The following PRR13 variants were observed in gnomAD, a reference collection of about 807,000 sequenced individuals.
PRR13 encodes the protein proline rich 13.
In PRR13, 7 loss-of-function variants were observed where a neutral mutation model predicts 11.5. The ratio of observed to expected loss-of-function variants is 0.61; its 90% CI spans 0.34 to 1.14. The LOEUF (loss-of-function observed/expected upper bound fraction) is 1.14. Ranked by LOEUF, PRR13 falls within the 50% of genes most tolerant of loss-of-function variation. PRR13 has a pLI of 0.03. For missense variants in PRR13, 155 were observed against 194.4 expected, an observed-to-expected ratio of 0.80 and a Z score of 1.21; for synonymous variants, 53 against 67.8, an observed-to-expected ratio of 0.78 and a Z score of 1.07.
At position 53,441,789 on chromosome 12, in the gene PRR13, A is replaced by G. The variant is rs962290224; in HGVS notation, c.-24A>G. ...ACGCAGCAAGCCCAGGCGGCGGTGG[A>G]AAGGTGATGGGGTATCTGGATTCCA... is the stretch of plus-strand genomic sequence containing the variant. On this transcript the variant is annotated 5_prime_UTR_variant, in exon 1 of 4. Transcript: ENST00000429243. 8 of 702,106 alleles carry G rather than the reference A, an allele frequency of 1.1e-5. No individual in the cohort carries two copies. Among genetic ancestry groups the G allele is most frequent in the African/African-American group, 3.5e-5 (2 of 57,212 alleles). 43.5% of individuals were successfully genotyped at this position (702,106 alleles called of 1,614,324 possible).
chr12:53,443,541 G>C lies in PRR13; in HGVS notation c.170G>C (p.Gly57Ala). 1 of 1,570,672 alleles carries C rather than the reference G, an allele frequency of 6.4e-7. No individual in the cohort carries two copies. Among genetic ancestry groups the C allele is most frequent in the Non-Finnish European group, 8.7e-7 (1 of 1,155,598 alleles). ...CATGGCAATCCAGCTTTCCCCCCAG[G>C]TGGGCCCCCTCATCCTGTGCCACAG... ...APHGNPAFPP[G>A]GPPHPVPQPG... Residue 57 changes from glycine (G) to alanine (A), a missense_variant, in exon 3 of 4, where the codon GGT (glycine) becomes GCT (alanine). Transcript: ENST00000429243.
At chr12:53,442,790 C>G in intron 2 of PRR13, 57 bp downstream of exon 2, 1 of 1,555,748 alleles carries the variant, frequency 6.4e-7, no homozygotes, top group Non-Finnish European at 8.9e-7. Flanking sequence ...GGCTCTATAA[C>G]AGGAAGTTTC....
intron 3 of PRR13, 89 bp from the exon 4 acceptor site, chr12:53,445,926 G>C (rs1592618876): frequency 2.5e-6 from 4 of 1,596,106 alleles, no homozygotes; most frequent in Non-Finnish European, 3.4e-6. Flanking sequence ...GGGTGGAGGG[G>C]TGGGGCACCA....
chr12:53,444,895 TCAAA>T (rs755050784), intron 3 of PRR13, among the ~76,000 whole-genome samples: 4 of 151,432 alleles, frequency 2.6e-5, no homozygotes, highest in Admixed American at 1.3e-4. Context: ...AGACTCCATC[TCAAA>T]CAAACAAACA....
chr12:53,441,818 G>GT (rs1592616317), intron 1 of PRR13, 26 bp downstream of exon 1: 2 of 702,266 alleles, frequency 2.8e-6, no homozygotes, highest in South Asian at 3.0e-5. Flanking sequence ...GATTCCATAG[G>GT]TTTTTCCTTT....
At chr12:53,442,934 G>T in intron 2 of PRR13, 1 of 462,178 alleles carries the variant, frequency 2.2e-6, no homozygotes, top group Non-Finnish European at 3.8e-6. Context: ...CAGGCTCACT[G>T]CAACCTCCGC....
At chr12:53,444,609 G>C (rs757571072) in intron 3 of PRR13, among the ~76,000 whole-genome samples, 1 of 152,238 alleles carries the variant, frequency 6.6e-6, no homozygotes, top group Admixed American at 6.5e-5. Context: ...GATTACAGGC[G>C]TGAGCCACTG....
intron 2 of PRR13, 111 bp downstream of exon 2, chr12:53,442,844 A>G (rs1172846963): frequency 1.6e-5 from 19 of 1,169,980 alleles, no homozygotes; most frequent in Non-Finnish European, 2.3e-5. Context: ...CCGCAAAAGC[A>G]AAGTCCTTAG....
Position 53,441,871 on chromosome 12 carries a change from G to A in PRR13, c.-21+79G>A, listed in dbSNP as rs1940299290. On this transcript the variant is annotated intron_variant, in intron 1 of 3. Transcript: ENST00000429243. ...GAGTCTCTTCGCAGCTTGGGGCTAG[G>A]ATCTTCATTTGCCTTTTTTCTTTTT... 4.3e-6 allele frequency: 3 copies of A among 698,724 alleles called. No homozygotes were observed. In the Admixed American group the frequency reaches 6.1e-5, roughly 14 times the overall value. The allele number at this position is 698,724 out of a possible 1,614,324, so 43.3% of individuals were successfully genotyped here.
chr12:53,442,229 GAA>G (rs995126489), intron 1 of PRR13: 2 of 243,748 alleles, frequency 8.2e-6, no homozygotes, highest in Non-Finnish European at 1.6e-5. Context: ...GAAACAAGTG[GAA>G]AGAGACATTT....
In PRR13 at chr12:53,446,070, T is replaced by C. The variant is rs764227467; in HGVS notation, c.*11T>C. On this transcript the variant is annotated 3_prime_UTR_variant, in exon 4 of 4. Transcript: ENST00000429243. Reference sequence around the variant, plus strand: ...AGTGATTCTGACTGAATACAGGCCCTGGACCCTTCCCTCAAGTCTCACCAG... The same window carrying C: ...AGTGATTCTGACTGAATACAGGCCCCGGACCCTTCCCTCAAGTCTCACCAG... The C allele has an allele frequency of 1.9e-6, 3 of 1,592,984 alleles. No individual in the cohort carries two copies. Among genetic ancestry groups the C allele is most frequent in the African/African-American group, 2.9e-5 (2 of 69,816 alleles).
intron 3 of PRR13, among the ~76,000 whole-genome samples, chr12:53,445,380 G>T (rs1402046835): frequency 6.6e-6 from 1 of 150,824 alleles, no homozygotes; most frequent in Admixed American, 6.6e-5. Flanking sequence ...GAAGAGAACC[G>T]AAGAGAATTG....
chr12:53,445,190 T>G (rs560895831), intron 3 of PRR13, among the ~76,000 whole-genome samples: 1 of 151,530 alleles, frequency 6.6e-6, no homozygotes, highest in Admixed American at 6.6e-5. Flanking sequence ...CTACTAAAGA[T>G]ACAAAAAATT....
intron 3 of PRR13, among the ~76,000 whole-genome samples, chr12:53,445,016 G>C (rs1260767487): frequency 1.3e-5 from 2 of 152,150 alleles, no homozygotes; most frequent in Non-Finnish European, 2.9e-5. Flanking sequence ...GTATTTATTT[G>C]CCTTGTGGAT....
intron 1 of PRR13, chr12:53,442,049 G>A: frequency 1.8e-6 from 1 of 559,062 alleles, no homozygotes; most frequent in South Asian, 2.2e-5. Context: ...CTTACTCTGT[G>A]CGTGGTTAAA....
At chr12:53,442,951 G>T in intron 2 of PRR13, 1 of 444,620 alleles carries the variant, frequency 2.2e-6, no homozygotes, top group Non-Finnish European at 3.9e-6. Flanking sequence ...CCGCCTCCTG[G>T]GTTCAAGCGA....
At chr12:53,445,991 C>CCCCTTTT (rs1565848096) in intron 3 of PRR13, 24 bp from the exon 4 acceptor site, 2 of 1,599,080 alleles carry the variant, frequency 1.3e-6, no homozygotes, top group Admixed American at 3.3e-5. Context: ...TATCTTCTTT[C>CCCCTTTT]CCCTTTCCCC....
At position 53,446,184 on chromosome 12, in the gene PRR13, C is replaced by A. The variant is rs1400788280; in HGVS notation, c.*125C>A. On this transcript the variant is annotated 3_prime_UTR_variant, in exon 4 of 4. Transcript: ENST00000429243. ...CCACCCCCTACCTCCACCTGAGCCT[C>A]ACCCTGCTGTTGAGCCCTGAGTGGC... 2.6e-5 allele frequency: 39 copies of A among 1,492,792 alleles called. 1 individual carries two copies. Among genetic ancestry groups the A allele is most frequent in the Non-Finnish European group, 3.5e-5 (39 of 1,113,974 alleles). The allele number at this position is 1,492,792 out of a possible 1,614,324, so 92.5% of individuals were successfully genotyped here.
chr12:53,446,213 G>C lies in PRR13; in HGVS notation c.*154G>C. ...CTGCTGTTGAGCCCTGAGTGGCTAG[G>C]GGAAATGGGAAGAGGATTGCCATGG... On this transcript the variant is annotated 3_prime_UTR_variant, in exon 4 of 4. Transcript: ENST00000429243. The C allele has an allele frequency of 7.3e-7, 1 of 1,366,966 alleles. No homozygotes were observed. The highest frequency in any genetic ancestry group is 2.5e-5 in the East Asian group (1 of 40,560). 84.7% of individuals were successfully genotyped at this position (1,366,966 alleles called of 1,614,324 possible).
Sources: allele counts gnomAD v4.1 joint callset (sites outside exome capture counted in the v4.1 genomes callset), GRCh38; gene constraint gnomAD v4.1.1; transcripts MANE v1.5; gene names NCBI Gene and HGNC (gene_info 2026-07-23, HGNC 2026-07-21).